Variants in MAGI1 observed in about 807,000 individuals in gnomAD.
MAGI1 encodes membrane associated guanylate kinase, WW and PDZ domain containing 1.
A neutral mutation model predicts 139.9 loss-of-function variants in MAGI1; 58 were observed. The ratio of observed to expected loss-of-function variants is 0.41; its 90% CI spans 0.34 to 0.52. MAGI1 has a LOEUF of 0.52. Among genes scored for constraint, MAGI1 ranks in the 20% least tolerant of loss-of-function variants. The probability of loss-of-function intolerance (pLI) is 0.12; values close to 1 mark genes in which losing one functional copy is unlikely to be tolerated. For synonymous variants in MAGI1, 812 were observed against 737.9 expected (o/e 1.10, Z -1.63); for missense variants, 1,874 against 1,901.6 (o/e 0.99, Z 0.27).
intron 1 of MAGI1, among the ~76,000 whole-genome samples, chr3:65,992,311 T>A (rs1017012174): frequency 1.3e-5 from 2 of 152,190 alleles, no homozygotes; most frequent in Non-Finnish European, 1.5e-5. Flanking sequence ...CTCACCTATA[T>A]CTTGACAAAG....
At chr3:65,934,096 G>A (rs2062933924) in intron 1 of MAGI1, among the ~76,000 whole-genome samples, 1 of 152,094 alleles carries the variant, frequency 6.6e-6, no homozygotes, top group Non-Finnish European at 1.5e-5. Context: ...ACTCCAGCCT[G>A]GGCACGACAG....
chr3:65,958,642 T>C (rs2064252163), intron 1 of MAGI1, among the ~76,000 whole-genome samples: 1 of 152,184 alleles, frequency 6.6e-6, no homozygotes, highest in Non-Finnish European at 1.5e-5. Flanking sequence ...CCGGGTAATA[T>C]GGCCCATATA....
intron 3 of MAGI1, among the ~76,000 whole-genome samples, chr3:65,489,916 A>G (rs1951884515): frequency 6.6e-6 from 1 of 152,174 alleles, no homozygotes; most frequent in South Asian, 2.1e-4. Context: ...ACATTTATAT[A>G]TGTCTTCCTT....
rs1946767988 is a variant in MAGI1, at chr3:65,423,321, C to T, written c.2167+6199G>A. 2.0e-5 allele frequency among the ~76,000 whole-genome samples: 3 copies of T among 152,216 alleles called. No homozygotes were observed. The South Asian group carries it at 6.2e-4, about 32-fold the overall frequency. On this transcript the variant is annotated intron_variant, in intron 12 of 22. Transcript: ENST00000402939. ...GGTTTAACTCTCTGTGCATGGCTTA[C>T]CGTGGTTCTAATTATGATGGTTTTG... is the stretch of plus-strand genomic sequence containing the variant.
At chr3:65,579,799 A>G (rs977031371) in intron 2 of MAGI1, among the ~76,000 whole-genome samples, 8 of 150,814 alleles carry the variant, frequency 5.3e-5, no homozygotes, top group African/African-American at 1.7e-4. Flanking sequence ...GTAGGCGAAG[A>G]TCACGCCACT....
chr3:65,558,411 T>C (rs114171977), intron 2 of MAGI1, among the ~76,000 whole-genome samples: 1,623 of 152,270 alleles, frequency 0.011, 20 homozygotes, highest in Middle Eastern at 0.02. Context: ...AAGCTGATGA[T>C]AGCTGAGGCA....
intron 1 of MAGI1, among the ~76,000 whole-genome samples, chr3:65,976,073 C>G (rs1287853062): frequency 6.6e-6 from 1 of 152,086 alleles, no homozygotes; most frequent in Non-Finnish European, 1.5e-5. Context: ...GTGTTTCATC[C>G]CAGTTCTACT....
chr3:65,684,966 C>A (rs1302759814), intron 1 of MAGI1, among the ~76,000 whole-genome samples: 2 of 148,926 alleles, frequency 1.3e-5, no homozygotes, highest in Admixed American at 1.3e-4. Context: ...GATCCACCAG[C>A]CTCAGCCTTC....
chr3:65,484,074 G>A (rs368206457), intron 3 of MAGI1, among the ~76,000 whole-genome samples: 1 of 152,124 alleles, frequency 6.6e-6, no homozygotes, highest in Non-Finnish European at 1.5e-5. Flanking sequence ...ACTGAAACAC[G>A]ATCTTCACAA....
In MAGI1 at chr3:65,589,372, C is replaced by T. The variant is rs60300641; in HGVS notation, c.430+32600G>A. ...CACTTGCATGCCCCTTGTGACTTTC[C>T]CGTCTACTAAGTCACCCTTCCTAGG... is the stretch of plus-strand genomic sequence containing the variant. On this transcript the variant is annotated intron_variant, in intron 2 of 22. Coordinates refer to ENST00000402939, the MANE Select transcript of MAGI1 (RefSeq NM_001033057.2). 4.1e-3 allele frequency among the ~76,000 whole-genome samples: 621 copies of T among 152,238 alleles called. 3 individuals are homozygous for T. The highest frequency in any genetic ancestry group is 0.014 in the African/African-American group (578 of 41,540).
At chr3:65,601,119 A>C (rs2082462732) in intron 2 of MAGI1, among the ~76,000 whole-genome samples, 1 of 152,098 alleles carries the variant, frequency 6.6e-6, no homozygotes, top group African/African-American at 2.4e-5. Context: ...CAACACGCTA[A>C]CTCTTAGGTG....
intron 1 of MAGI1, among the ~76,000 whole-genome samples, chr3:65,796,283 G>T (rs911409732): frequency 1.3e-5 from 2 of 152,092 alleles, no homozygotes; most frequent in Non-Finnish European, 2.9e-5. Flanking sequence ...CAACTGATTT[G>T]ATTGATGAGG....
intron 1 of MAGI1, among the ~76,000 whole-genome samples, chr3:65,638,497 A>T (rs2084776642): frequency 6.8e-6 from 1 of 147,780 alleles, no homozygotes; most frequent in South Asian, 2.2e-4. Flanking sequence ...ACTACACTGT[A>T]TGGCCGAAGG....
intron 1 of MAGI1, among the ~76,000 whole-genome samples, chr3:65,773,740 T>C (rs140227584): frequency 2.6e-5 from 4 of 152,326 alleles, no homozygotes; most frequent in Admixed American, 2.6e-4. Flanking sequence ...AAGGAAAATG[T>C]AACTGTACTC....
chr3:65,833,987 A>G (rs2042668354), intron 1 of MAGI1, among the ~76,000 whole-genome samples: 2 of 152,200 alleles, frequency 1.3e-5, no homozygotes, highest in African/African-American at 2.4e-5. Context: ...TCTACAGTCC[A>G]TTTGCAAATT....
intron 1 of MAGI1, among the ~76,000 whole-genome samples, chr3:65,993,020 A>T (rs4688257): frequency 4.6e-5 from 7 of 151,660 alleles, no homozygotes; most frequent in African/African-American, 1.7e-4. Context: ...TAGTAGAGGC[A>T]GGGTCTCACT....
chr3:65,419,403 A>G (rs4396824), intron 12 of MAGI1, among the ~76,000 whole-genome samples: 43,346 of 152,028 alleles, frequency 0.29, 7,117 homozygotes, highest in East Asian at 0.72. Flanking sequence ...TTTCTGTTTC[A>G]CTTCCAAGAA....
chr3:65,621,946 T>G (rs764680680), intron 2 of MAGI1, 26 bp downstream of exon 2: 451 of 1,434,992 alleles, frequency 3.1e-4, no homozygotes, highest in Non-Finnish European at 3.9e-4. Context: ...CACACAGCAG[T>G]GAGATGCCAA....
At chr3:65,577,913 C>T (rs2081244046) in intron 2 of MAGI1, among the ~76,000 whole-genome samples, 1 of 152,192 alleles carries the variant, frequency 6.6e-6, no homozygotes, top group South Asian at 2.1e-4. Context: ...TTTATTCGCT[C>T]CTGTTTGTGG....
Sources: allele counts gnomAD v4.1 joint callset (sites outside exome capture counted in the v4.1 genomes callset), GRCh38; gene constraint gnomAD v4.1.1; transcripts MANE v1.5; gene names NCBI Gene and HGNC (gene_info 2026-07-23, HGNC 2026-07-21).